Variants in FAT3 observed in about 807,000 individuals in gnomAD.
FAT3 encodes protocadherin Fat 3.
Under a neutral mutation model 310.2 loss-of-function variants are expected in FAT3, and 95 were observed. That is an observed-to-expected ratio of 0.31 (90% CI 0.26 to 0.36). The LOEUF (loss-of-function observed/expected upper bound fraction) is 0.36, where lower values mean the gene tolerates loss of function less well. FAT3 is among the 10% of genes least tolerant of loss of function. The pLI, the probability that FAT3 is intolerant of heterozygous loss-of-function variation, is 1.00. For synonymous variants in FAT3, 2,314 were observed against 2,192.9 expected (o/e 1.06, Z -1.54); for missense variants, 5,408 against 5,715.6 (o/e 0.95, Z 1.74).
intron 2 of FAT3, among the ~76,000 whole-genome samples, chr11:92,519,211 G>A (rs1953600281): frequency 6.6e-6 from 1 of 152,126 alleles, no homozygotes; most frequent in South Asian, 2.1e-4. Context: ...AGATTAATGG[G>A]ACAGAATGGA....
At position 92,382,517 on chromosome 11, in the gene FAT3, G is replaced by A. The variant is rs370805013; in HGVS notation, c.3292+27113G>A. Among the ~76,000 whole-genome samples the A allele has an allele frequency of 6.8e-4, 104 of 152,188 alleles. 1 individual carries two copies. Among genetic ancestry groups the A allele is most frequent in the African/African-American group, 2.5e-3 (102 of 41,524 alleles). On this transcript the variant is annotated intron_variant, in intron 2 of 27. Coordinates refer to ENST00000525166, the MANE Select transcript of FAT3 (RefSeq NM_001367949.2). The stretch of plus-strand genomic sequence containing the variant: ...GGAGATCATTATGAGATCCTGCCTC[G>A]TAAGAGGGACCCCTAAAGGTAGATC...
chr11:92,466,172 C>CT (rs1472783743), intron 2 of FAT3, among the ~76,000 whole-genome samples: 4 of 152,118 alleles, frequency 2.6e-5, no homozygotes, highest in African/African-American at 9.7e-5. Context: ...AGCTCTGACT[C>CT]TTTGACTCTA....
chr11:92,400,002 A>C (rs968846731), intron 2 of FAT3, among the ~76,000 whole-genome samples: 3 of 152,100 alleles, frequency 2.0e-5, no homozygotes, highest in Admixed American at 2.0e-4. Context: ...TGGGATGTAT[A>C]TATTCTTATT....
At chr11:92,745,372 A>T (rs1945628350) in intron 4 of FAT3, among the ~76,000 whole-genome samples, 1 of 152,204 alleles carries the variant, frequency 6.6e-6, no homozygotes. Flanking sequence ...ATGTGAGCAC[A>T]TAGATTGGAC....
chr11:92,880,587 A>G, intron 22 of FAT3, 144 bp from the exon 23 acceptor site: 2 of 928,232 alleles, frequency 2.2e-6, no homozygotes, highest in Admixed American at 5.5e-5. Flanking sequence ...TGTTTCAAGC[A>G]ATCAATTTGC....
At chr11:92,819,779 A>C (rs1947912797) in intron 13 of FAT3, among the ~76,000 whole-genome samples, 1 of 152,226 alleles carries the variant, frequency 6.6e-6, no homozygotes, top group African/African-American at 2.4e-5. Context: ...ACAACCATAA[A>C]ATAATAAGAA....
intron 13 of FAT3, among the ~76,000 whole-genome samples, chr11:92,826,670 G>A (rs1236751495): frequency 6.6e-6 from 1 of 152,222 alleles, no homozygotes; most frequent in Non-Finnish European, 1.5e-5. Flanking sequence ...ACTAAAATAT[G>A]ATTGTTGAAA....
chr11:92,500,126 G>A (rs1952892165), intron 2 of FAT3, among the ~76,000 whole-genome samples: 1 of 152,016 alleles, frequency 6.6e-6, no homozygotes, highest in South Asian at 2.1e-4. Context: ...GATGCTTAAT[G>A]AATATTTGTT....
At chr11:92,345,078 T>C (rs1591141510) in intron 1 of FAT3, among the ~76,000 whole-genome samples, 1 of 152,168 alleles carries the variant, frequency 6.6e-6, no homozygotes, top group Non-Finnish European at 1.5e-5. Flanking sequence ...AATTAGTGTG[T>C]CATGGAACAC....
chr11:92,238,399 C>T (rs917261177), intron 1 of FAT3, among the ~76,000 whole-genome samples: 5 of 152,094 alleles, frequency 3.3e-5, no homozygotes, highest in African/African-American at 1.2e-4. Flanking sequence ...AGAGACACCT[C>T]TGGAATGTCC....
At chr11:92,746,111 C>T (rs1945658612) in intron 4 of FAT3, among the ~76,000 whole-genome samples, 1 of 152,202 alleles carries the variant, frequency 6.6e-6, no homozygotes, top group Admixed American at 6.5e-5. Flanking sequence ...CCTAAAAGCA[C>T]AACTTTTTAG....
intron 3 of FAT3, among the ~76,000 whole-genome samples, chr11:92,679,998 A>G (rs1010314145): frequency 6.6e-6 from 1 of 151,712 alleles, no homozygotes; most frequent in Admixed American, 6.6e-5. Context: ...TATTCTGAAT[A>G]TTTGTCCCTT....
intron 2 of FAT3, among the ~76,000 whole-genome samples, chr11:92,384,296 G>A (rs551091851): frequency 6.6e-6 from 1 of 152,280 alleles, no homozygotes; most frequent in Non-Finnish European, 1.5e-5. Context: ...GCCTTAATAA[G>A]TGTGTCTGTT....
chr11:92,757,055 G>T (rs1946016634), intron 4 of FAT3, among the ~76,000 whole-genome samples: 1 of 151,462 alleles, frequency 6.6e-6, no homozygotes, highest in Non-Finnish European at 1.5e-5. Flanking sequence ...CTCCTGAGTA[G>T]CTGGAATTAC....
At chr11:92,732,723 A>G (rs1945218464) in intron 4 of FAT3, among the ~76,000 whole-genome samples, 1 of 152,228 alleles carries the variant, frequency 6.6e-6, no homozygotes, top group South Asian at 2.1e-4. Context: ...CTAGAATTAA[A>G]AGAAATAACA....
intron 2 of FAT3, among the ~76,000 whole-genome samples, chr11:92,414,916 A>G (rs1950374243): frequency 1.3e-5 from 2 of 151,976 alleles, no homozygotes; most frequent in African/African-American, 4.8e-5. Flanking sequence ...AGGCTGAGGC[A>G]GGAGAATGGC....
chr11:92,612,442 G>A (rs1450423445), intron 3 of FAT3, among the ~76,000 whole-genome samples: 1 of 152,198 alleles, frequency 6.6e-6, no homozygotes, highest in Non-Finnish European at 1.5e-5. Context: ...GGGGAACATA[G>A]ATACAGCAGA....
intron 3 of FAT3, among the ~76,000 whole-genome samples, chr11:92,694,945 T>G (rs554330615): frequency 3.9e-4 from 59 of 152,262 alleles, no homozygotes; most frequent in African/African-American, 1.4e-3. Flanking sequence ...GGCCCAAAAA[T>G]GAAGGTGTCA....
intron 4 of FAT3, among the ~76,000 whole-genome samples, chr11:92,733,619 T>G (rs911172224): frequency 6.6e-6 from 1 of 152,052 alleles, no homozygotes; most frequent in South Asian, 2.1e-4. Context: ...AGCCCACAGC[T>G]CTATAAGCTT....
Sources: gnomAD v4.1 joint callset for allele counts (sites outside exome capture counted in the v4.1 genomes callset) on GRCh38, gnomAD v4.1.1 for gene constraint, MANE v1.5 for transcripts, NCBI Gene and HGNC (gene_info 2026-07-23, HGNC 2026-07-21) for gene names.